The following NFIB variants were observed in gnomAD, a reference collection of about 807,000 sequenced individuals.
NFIB encodes nuclear factor 1 B-type.
In NFIB, 11 loss-of-function variants were observed where a neutral mutation model predicts 61.5. The ratio of observed to expected loss-of-function variants is 0.18; its 90% CI spans 0.11 to 0.30. The LOEUF is 0.30. NFIB is among the 10% of genes least tolerant of loss of function. NFIB has a pLI of 1.00. For missense variants in NFIB, 471 were observed against 608.9 expected (o/e 0.77, Z 2.38); for synonymous variants, 260 against 216.5 (o/e 1.20, Z -1.76).
At chr9:14,097,686 G>C (rs754111690) in intron 10 of NFIB, among the ~76,000 whole-genome samples, 29 of 152,020 alleles carry the variant, frequency 1.9e-4, no homozygotes, top group Admixed American at 1.8e-3. Flanking sequence ...CAAACATATG[G>C]TTTGCAACCC....
chr9:14,505,045 C>T, the NFIB span, among the ~76,000 whole-genome samples: 7 of 152,094 alleles, frequency 4.6e-5, no homozygotes, highest in South Asian at 2.1e-4. Flanking sequence ...CATAAAGGGA[C>T]GCTGGATTAT....
At chr9:14,156,633 C>G (rs1234488501) in intron 3 of NFIB, among the ~76,000 whole-genome samples, 2 of 152,118 alleles carry the variant, frequency 1.3e-5, no homozygotes, top group African/African-American at 2.4e-5. Context: ...TCCACAGTGG[C>G]CATGGAGCCT....
At chr9:14,460,202 G>C in the NFIB span, among the ~76,000 whole-genome samples, 75 of 152,272 alleles carry the variant, frequency 4.9e-4, no homozygotes, top group African/African-American at 1.7e-3. Context: ...AAAATGATGA[G>C]TTCATGTCCT....
At chr9:14,356,069 G>A (rs1040938484) in intron 1 of NFIB, among the ~76,000 whole-genome samples, 2 of 152,034 alleles carry the variant, frequency 1.3e-5, no homozygotes, top group African/African-American at 4.8e-5. Context: ...TGTGTGGCCA[G>A]TGCTAGCTGA....
chr9:14,437,491 T>A, the NFIB span, among the ~76,000 whole-genome samples: 1 of 152,182 alleles, frequency 6.6e-6, no homozygotes, highest in East Asian at 1.9e-4. Flanking sequence ...CAAAGATTGT[T>A]GACTTCCCCT....
rs114863682 is a variant in NFIB, at chr9:14,377,424, G to A, written c.108+21100C>T. On this transcript the variant is annotated intron_variant, in intron 1 of 8. Transcript: ENST00000380934. ...CCTAGAAATGGGGTCTTGCTCTATT[G>A]TCTATGCTTGTCTCTATTCCTGACC... Among the ~76,000 whole-genome samples the A allele has an allele frequency of 3.6e-3, 555 of 152,110 alleles. 5 individuals carry two copies. The highest frequency in any genetic ancestry group is 0.013 in the African/African-American group (539 of 41,502).
At chr9:14,344,094 GAGAGAGAGAGAGAA>G (rs954826056) in intron 1 of NFIB, among the ~76,000 whole-genome samples, 31 of 138,060 alleles carry the variant, frequency 2.2e-4, no homozygotes, top group African/African-American at 8.8e-4. Context: ...TAAAGAGAGG[GAGAGAGAGAGAGAA>G]AGAGAGAGAG....
chr9:14,275,282 T>C (rs1220832019), intron 2 of NFIB, among the ~76,000 whole-genome samples: 2 of 152,190 alleles, frequency 1.3e-5, no homozygotes, highest in African/African-American at 2.4e-5. Context: ...TAGAGTTCAA[T>C]ATCTTTGTGT....
chr9:14,325,712 T>A (rs1477954316), intron 1 of NFIB, among the ~76,000 whole-genome samples: 1 of 152,124 alleles, frequency 6.6e-6, no homozygotes, highest in African/African-American at 2.4e-5. Context: ...ATTTAGTCCA[T>A]TATTATACCA....
intron 2 of NFIB, among the ~76,000 whole-genome samples, chr9:14,248,107 ATT>A (rs2055145241): frequency 6.8e-6 from 1 of 146,984 alleles, no homozygotes; most frequent in African/African-American, 2.5e-5. Flanking sequence ...TAACTTTTGA[ATT>A]TTTTTGTAGA....
chr9:14,477,777 T>C, the NFIB span, among the ~76,000 whole-genome samples: 1 of 152,226 alleles, frequency 6.6e-6, no homozygotes. Flanking sequence ...GATGTATAGA[T>C]TGGATTAAGG....
At chr9:14,194,757 C>A (rs916742748) in intron 2 of NFIB, among the ~76,000 whole-genome samples, 2 of 152,024 alleles carry the variant, frequency 1.3e-5, no homozygotes, top group South Asian at 4.1e-4. Context: ...GAAACAGGCA[C>A]TATCTTAGAA....
intron 1 of NFIB, among the ~76,000 whole-genome samples, chr9:14,373,928 C>A (rs1394968653): frequency 6.6e-6 from 1 of 152,162 alleles, no homozygotes. Context: ...TTGCATATTT[C>A]TGAAGATGAC....
At chr9:14,477,770 G>A in the NFIB span, among the ~76,000 whole-genome samples, 1 of 152,228 alleles carries the variant, frequency 6.6e-6, no homozygotes, top group African/African-American at 2.4e-5. Flanking sequence ...TTCAGAAGAT[G>A]TATAGATTGG....
the NFIB span, among the ~76,000 whole-genome samples, chr9:14,491,178 T>C: frequency 3.3e-5 from 5 of 152,164 alleles, no homozygotes. Flanking sequence ...TTTTTATCTC[T>C]GTGGTGAAGA....
At chr9:14,441,401 G>T in the NFIB span, among the ~76,000 whole-genome samples, 4 of 152,072 alleles carry the variant, frequency 2.6e-5, no homozygotes, top group African/African-American at 9.7e-5. Context: ...TGGAGATTTC[G>T]TTTCTTTTCT....
intron 1 of NFIB, among the ~76,000 whole-genome samples, chr9:14,377,389 TTTTATTTTTCC>T (rs1306337363): frequency 6.6e-6 from 1 of 152,160 alleles, no homozygotes; most frequent in Non-Finnish European, 1.5e-5. Context: ...CTATTTTTTC[TTTTATTTTTCC>T]TAGAAATGGG....
chr9:14,364,028 A>G (rs1269137207), intron 1 of NFIB, among the ~76,000 whole-genome samples: 1 of 152,158 alleles, frequency 6.6e-6, no homozygotes. Flanking sequence ...TTACTCTTAA[A>G]CATCTTTGAG....
At chr9:14,530,553 G>T in the NFIB span, among the ~76,000 whole-genome samples, 43 of 152,272 alleles carry the variant, frequency 2.8e-4, no homozygotes, top group African/African-American at 1.0e-3. Flanking sequence ...GAGAAAGGGT[G>T]CAGAGAAGGA....
Sources: allele counts gnomAD v4.1 joint callset (sites outside exome capture counted in the v4.1 genomes callset), GRCh38; gene constraint gnomAD v4.1.1; transcripts MANE v1.5; gene names NCBI Gene and HGNC (gene_info 2026-07-23, HGNC 2026-07-21).